HSD17B14: variants seen among roughly 807,000 people sequenced by gnomAD.
The protein encoded by HSD17B14 is hydroxysteroid 17-beta dehydrogenase 14.
Under a neutral mutation model 32.2 loss-of-function variants are expected in HSD17B14, and 32 were observed. The ratio of observed to expected loss-of-function variants is 0.99; its 90% CI spans 0.75 to 1.33. HSD17B14 has a LOEUF of 1.33. HSD17B14 is among the 40% of genes most tolerant of loss of function. The probability of loss-of-function intolerance (pLI) is 0.00; values close to 1 mark genes in which losing one functional copy is unlikely to be tolerated. For synonymous variants in HSD17B14, 140 were observed against 155.4 expected (o/e 0.90, Z 0.74); for missense variants, 370 against 366.5 (o/e 1.01, Z -0.08).
At chr19:48,815,848 C>G (rs2035041515) in intron 5 of HSD17B14, among the ~76,000 whole-genome samples, 1 of 151,774 alleles carries the variant, frequency 6.6e-6, no homozygotes, top group African/African-American at 2.4e-5. Context: ...ATGATGAAAC[C>G]CCATCTCTAC....
chr19:48,826,491 CAAA>C (rs747731627), intron 5 of HSD17B14, among the ~76,000 whole-genome samples: 2,813 of 41,020 alleles, frequency 0.069, 215 homozygotes, highest in African/African-American at 0.22. Flanking sequence ...AAGATTGTCT[CAAA>C]AAAAAAAAAA....
At chr19:48,833,719 G>A (rs940618922) in intron 3 of HSD17B14, among the ~76,000 whole-genome samples, 2 of 152,088 alleles carry the variant, frequency 1.3e-5, no homozygotes, top group African/African-American at 4.8e-5. Flanking sequence ...TCAGCTACTC[G>A]GGAGGCTGAG....
rs149769288 is a variant in HSD17B14, at chr19:48,813,062, G to A, written c.*113C>T. 3.3e-4 allele frequency: 211 copies of A among 633,796 alleles called. No individual in the cohort carries two copies. Among genetic ancestry groups the A allele is most frequent in the Middle Eastern group, 2.7e-3 (6 of 2,222 alleles). 39.3% of individuals were successfully genotyped at this position (633,796 alleles called of 1,614,324 possible). On this transcript the variant is annotated 3_prime_UTR_variant, in exon 9 of 9. Transcript: ENST00000263278. ...TTATGGGAACCTGCAGGGTGACCCG[G>A]CACCTTGCTAACTGGGCTTAGAGTC...
chr19:48,835,969 T>C (rs1011343053), intron 1 of HSD17B14, 126 bp from the exon 2 acceptor site: 6 of 812,846 alleles, frequency 7.4e-6, no homozygotes, highest in South Asian at 1.6e-5. Flanking sequence ...TGATCACCCA[T>C]AGGACAGAGG....
At chr19:48,835,716 CG>C (rs2035494168) in intron 2 of HSD17B14, 88 bp downstream of exon 2, 2 of 1,356,422 alleles carry the variant, frequency 1.5e-6, no homozygotes, top group Non-Finnish European at 2.1e-6. Context: ...GCCTGGACTC[CG>C]GGGTCTGAGG....
At chr19:48,820,399 G>T (rs1466303815) in intron 5 of HSD17B14, among the ~76,000 whole-genome samples, 1 of 152,084 alleles carries the variant, frequency 6.6e-6, no homozygotes, top group Non-Finnish European at 1.5e-5. Context: ...GAACCTGGGA[G>T]GTGGAGATTG....
Position 48,813,072 on chromosome 19 carries a change from A to G in HSD17B14, c.*103T>C. The stretch of plus-strand genomic sequence containing the variant: ...CTGCAGGGTGACCCGGCACCTTGCT[A>G]ACTGGGCTTAGAGTCTAAGGGCTTG... On this transcript the variant is annotated 3_prime_UTR_variant, in exon 9 of 9. Coordinates refer to ENST00000263278, the MANE Select transcript of HSD17B14 (RefSeq NM_016246.3). 1.5e-6 allele frequency: 1 copy of G among 684,166 alleles called. No individual in the cohort carries two copies. The highest frequency in any genetic ancestry group is 2.4e-6 in the Non-Finnish European group (1 of 410,358). The allele number at this position is 684,166 out of a possible 1,614,324, so 42.4% of individuals were successfully genotyped here.
chr19:48,822,388 G>T (rs2035172473), intron 5 of HSD17B14, among the ~76,000 whole-genome samples: 1 of 151,604 alleles, frequency 6.6e-6, no homozygotes, highest in South Asian at 2.1e-4. Context: ...TGTTGATGGT[G>T]ATGGTGATGA....
In HSD17B14 at chr19:48,813,493, T is replaced by A. The variant is rs1568515647; in HGVS notation, c.602A>T (p.Asp201Val). The change falls in exon 8 of 9, where the codon GAC becomes GTC. Residue 201 changes from aspartate (D) to valine (V), a missense_variant. By Grantham distance (152) the Asp-to-Val change is radical (BLOSUM62 -3). Transcript: ENST00000263278. ...GCCCTCTCGGATTGTGGCCCTAGGG[T>A]CTGGCATTAAGGCTGCCAGCTCCTC... is the stretch of plus-strand genomic sequence containing the variant. ...LWEELAALMP[D>V]PRATIREGML... is the part of the protein sequence containing the mutation. The A allele has an allele frequency of 1.2e-6, 2 of 1,613,800 alleles. No individual in the cohort carries two copies. Among genetic ancestry groups the A allele is most frequent in the East Asian group, 4.5e-5 (2 of 44,864 alleles).
Position 48,835,831 on chromosome 19 carries a change from G to GC in HSD17B14, c.100dup (p.Ala34GlyfsTer10). The GC allele has an allele frequency of 6.2e-7, 1 of 1,613,564 alleles. No homozygotes were observed. Among genetic ancestry groups the GC allele is most frequent in the Non-Finnish European group, 8.5e-7 (1 of 1,179,698 alleles). ...ATCCTTGTCGCAGATAACCACTCGG[G>GC]CCCCGCTGTTCACTGAGAATAGGAA... On this transcript the variant is annotated frameshift_variant, in exon 2 of 9. Coordinates refer to ENST00000263278, the MANE Select transcript of HSD17B14 (RefSeq NM_016246.3). LOFTEE classifies it high-confidence loss of function.
At position 48,813,172 on chromosome 19, in the gene HSD17B14, A is replaced by T. The variant is rs1255478017; in HGVS notation, c.*3T>A. 1.5e-5 allele frequency: 23 copies of T among 1,578,494 alleles called. No homozygotes were observed. The highest frequency in any genetic ancestry group is 1.8e-5 in the Non-Finnish European group (21 of 1,161,560). On this transcript the variant is annotated 3_prime_UTR_variant, in exon 9 of 9. Transcript: ENST00000263278. ...AGGGGGCCCCAAGTAGAAATGAGAG[A>T]AATCAGGAAGGGATATCGGGGGCGT...
At chr19:48,829,492 C>T (rs1036818457) in intron 5 of HSD17B14, among the ~76,000 whole-genome samples, 1 of 148,314 alleles carries the variant, frequency 6.7e-6, no homozygotes, top group Non-Finnish European at 1.5e-5. Context: ...GCTGGGATTA[C>T]AGGCACCTGC....
intron 7 of HSD17B14, 27 bp downstream of exon 7, chr19:48,813,636 G>T: frequency 6.2e-7 from 1 of 1,613,816 alleles, no homozygotes; most frequent in Non-Finnish European, 8.5e-7. Flanking sequence ...CCCCCAGGAG[G>T]CTCTCCGCCT....
Position 48,813,748 on chromosome 19 carries a change from G to A in HSD17B14, c.475-18C>T, listed in dbSNP as rs2035003790. The stretch of plus-strand genomic sequence containing the variant: ...ACTGCCCCCTGCAGGAAATGGAGCG[G>A]GGAAGAAAGTTCAGTCCCCGGGACA... On this transcript the variant is annotated intron_variant, in intron 6 of 8. Transcript: ENST00000263278. 2 of 1,614,154 alleles carry A rather than the reference G, an allele frequency of 1.2e-6. No homozygotes were observed. Among genetic ancestry groups the A allele is most frequent in the South Asian group, 1.1e-5 (1 of 91,088 alleles).
At chr19:48,835,926 T>C (rs1053029438) in intron 1 of HSD17B14, 83 bp from the exon 2 acceptor site, 4 of 1,272,912 alleles carry the variant, frequency 3.1e-6, no homozygotes, top group Admixed American at 1.8e-5. Flanking sequence ...GGATTGGGGC[T>C]GATCTCCCTC....
chr19:48,836,243 C>A, intron 1 of HSD17B14, 81 bp downstream of exon 1: 2 of 1,346,048 alleles, frequency 1.5e-6, no homozygotes, highest in Non-Finnish European at 1.1e-6. Context: ...GTACTGGAGT[C>A]CCTATTTTCC....
chr19:48,813,195 C>T lies in HSD17B14; in HGVS notation c.793G>A (p.Ala265Thr), dbSNP rs760796044. ...AGAAATCAGGAAGGGATATCGGGGGCGTCCACGGGGGTGCTCCGACTGGCC... is the reference window on the plus strand; with the variant it reads ...AGAAATCAGGAAGGGATATCGGGGGTGTCCACGGGGGTGCTCCGACTGGCC... ...CKASRSTPVD[A>T]PDIPS Residue 265 changes from alanine to threonine, a missense_variant, in exon 9 of 9, where the codon GCC (alanine) becomes ACC (threonine). By Grantham distance (58) the Ala-to-Thr change is moderately conservative (BLOSUM62 0). Coordinates refer to ENST00000263278, the MANE Select transcript of HSD17B14 (RefSeq NM_016246.3). 8 of 1,598,514 alleles carry T rather than the reference C, an allele frequency of 5.0e-6. No individual in the cohort carries two copies. The Admixed American group carries it at 8.7e-5, about 17-fold the overall frequency.
chr19:48,813,275 C>CAG lies in HSD17B14; in HGVS notation c.711_712dup (p.Cys238SerfsTer9). The CAG allele has an allele frequency of 1.2e-6, 2 of 1,606,004 alleles. No individual in the cohort carries two copies. The highest frequency in any genetic ancestry group is 1.7e-6 in the Non-Finnish European group (2 of 1,176,364). On this transcript the variant is annotated frameshift_variant, in exon 9 of 9. Transcript: ENST00000263278. LOFTEE classifies it low-confidence loss of function (END_TRUNC). ...CGTCACGAGCAGTTCAATGCCCGTG[C>CAG]AGAAGTTGGCTTCGGAGGCCAGGAA...
chr19:48,815,989 C>T (rs1273824531), intron 5 of HSD17B14, among the ~76,000 whole-genome samples: 1 of 143,334 alleles, frequency 7.0e-6, no homozygotes, highest in Non-Finnish European at 1.5e-5. Flanking sequence ...CTACTGCACT[C>T]GAGCCTGGGC....
Sources: gnomAD v4.1 joint callset for allele counts (sites outside exome capture counted in the v4.1 genomes callset) on GRCh38, gnomAD v4.1.1 for gene constraint, MANE v1.5 for transcripts, NCBI Gene and HGNC (gene_info 2026-07-23, HGNC 2026-07-21) for gene names.